LACTB2: variants seen among roughly 807,000 people sequenced by gnomAD.
LACTB2 encodes the protein endoribonuclease LACTB2.
LACTB2 carries 32 observed loss-of-function variants against 34.8 expected under a neutral mutation model. The observed-to-expected ratio is 0.92, with a 90% CI of 0.69 to 1.24. The LOEUF is 1.24. Among genes scored for constraint, LACTB2 ranks in the 50% most tolerant of loss-of-function variants. The pLI is 0.00. For synonymous variants in LACTB2, 120 were observed against 117.5 expected (o/e 1.02, Z -0.14); for missense variants, 320 against 345.0 (o/e 0.93, Z 0.57).
intron 5 of LACTB2, 134 bp from the exon 6 acceptor site, chr8:70,638,763 A>G: frequency 1.5e-6 from 1 of 669,696 alleles, no homozygotes; most frequent in Non-Finnish European, 2.1e-6. Flanking sequence ...TTTTTTTGAG[A>G]CAGAGTCTCA....
At chr8:70,639,166 T>A (rs997440410) in intron 5 of LACTB2, among the ~76,000 whole-genome samples, 11 of 152,108 alleles carry the variant, frequency 7.2e-5, no homozygotes, top group African/African-American at 2.4e-4. Flanking sequence ...AGTAGCAGTA[T>A]CTTTTTTTTT....
intron 3 of LACTB2, chr8:70,654,839 C>G (rs1033261497): frequency 2.0e-5 from 3 of 152,604 alleles, no homozygotes; most frequent in African/African-American, 7.2e-5. Flanking sequence ...CCTGCCTCAG[C>G]CTCTTGTGTG....
In LACTB2 at chr8:70,644,194, C is replaced by T; in HGVS notation, c.463G>A (p.Glu155Lys). ...HTDDHMALLL[E>K]EENAIFSGDC... is the part of the protein sequence containing the mutation. ...CCAGAAAAGATAGCATTTTCCTCTT[C>T]TAAGAGTAGAGCCATGTGATCATCA... The change falls in exon 4 of 7, where the codon GAA becomes AAA. Residue 155 changes from glutamate to lysine, a missense_variant. Physicochemically the swap from Glu to Lys is moderately conservative, Grantham distance 56. Coordinates refer to ENST00000276590, the MANE Select transcript of LACTB2 (RefSeq NM_016027.3). The T allele has an allele frequency of 6.2e-7, 1 of 1,612,798 alleles. No individual in the cohort carries two copies. Among genetic ancestry groups the T allele is most frequent in the Non-Finnish European group, 8.5e-7 (1 of 1,179,332 alleles).
intron 3 of LACTB2, among the ~76,000 whole-genome samples, chr8:70,657,341 C>T (rs1818422830): frequency 6.6e-6 from 1 of 152,052 alleles, no homozygotes; most frequent in South Asian, 2.1e-4. Flanking sequence ...ATTTTCTCCT[C>T]CCAGAGTAAG....
chr8:70,645,050 TTA>T (rs560448122), intron 3 of LACTB2, among the ~76,000 whole-genome samples: 2 of 151,366 alleles, frequency 1.3e-5, no homozygotes, highest in African/African-American at 2.4e-5. Context: ...TTACATCATT[TTA>T]TATATATATA....
intron 1 of LACTB2, chr8:70,662,392 G>T (rs1235261490): frequency 6.6e-6 from 1 of 152,172 alleles, no homozygotes; most frequent in Non-Finnish European, 1.5e-5. Context: ...AGATATGAAA[G>T]ATTTTGATTC....
At chr8:70,668,138 C>G (rs1427430562) in intron 1 of LACTB2, among the ~76,000 whole-genome samples, 1 of 152,128 alleles carries the variant, frequency 6.6e-6, no homozygotes, top group Non-Finnish European at 1.5e-5. Flanking sequence ...GTAGACACTT[C>G]CAAGGAAAAC....
intron 5 of LACTB2, among the ~76,000 whole-genome samples, chr8:70,639,366 G>C (rs1294343402): frequency 6.6e-6 from 1 of 150,838 alleles, no homozygotes; most frequent in Admixed American, 6.6e-5. Context: ...CACCATGTTG[G>C]CCAGACTGGT....
At chr8:70,668,748 GTTTTTTTTTTTT>G (rs990900411) in intron 1 of LACTB2, among the ~76,000 whole-genome samples, 1 of 103,722 alleles carries the variant, frequency 9.6e-6, no homozygotes, top group South Asian at 4.8e-4. Context: ...CAAAACAGAA[GTTTTTTTTTTTT>G]TTTTTTTTTT....
chr8:70,639,854 C>T (rs1037665795), intron 5 of LACTB2, among the ~76,000 whole-genome samples: 8 of 151,874 alleles, frequency 5.3e-5, no homozygotes, highest in Admixed American at 1.3e-4. Flanking sequence ...CCCAGCTACT[C>T]GGGAGGCTGA....
At chr8:70,650,114 C>G (rs1431352304) in intron 3 of LACTB2, among the ~76,000 whole-genome samples, 1 of 152,154 alleles carries the variant, frequency 6.6e-6, no homozygotes, top group East Asian at 1.9e-4. Flanking sequence ...TCCCAAAGAG[C>G]TGGGATTACA....
intron 4 of LACTB2, among the ~76,000 whole-genome samples, chr8:70,642,516 T>C (rs1219332894): frequency 6.6e-6 from 1 of 151,370 alleles, no homozygotes; most frequent in Non-Finnish European, 1.5e-5. Context: ...TTTTTTTTTT[T>C]TTTTTGAGAA....
chr8:70,649,835 A>G (rs1818315562), intron 3 of LACTB2, among the ~76,000 whole-genome samples: 1 of 152,220 alleles, frequency 6.6e-6, no homozygotes, highest in African/African-American at 2.4e-5. Context: ...CTGTACAACA[A>G]AACTGTACCA....
intron 5 of LACTB2, among the ~76,000 whole-genome samples, chr8:70,639,371 A>T (rs1381576454): frequency 2.7e-5 from 4 of 150,814 alleles, no homozygotes; most frequent in African/African-American, 9.7e-5. Flanking sequence ...TGTTGGCCAG[A>T]CTGGTCTCGA....
intron 2 of LACTB2, among the ~76,000 whole-genome samples, chr8:70,658,485 T>G (rs1818441434): frequency 6.6e-6 from 1 of 152,124 alleles, no homozygotes; most frequent in Non-Finnish European, 1.5e-5. Context: ...ATACAACCAC[T>G]GTGATATCAA....
At chr8:70,663,452 G>C (rs1586790935) in intron 1 of LACTB2, among the ~76,000 whole-genome samples, 1 of 152,196 alleles carries the variant, frequency 6.6e-6, no homozygotes, top group South Asian at 2.1e-4. Context: ...ATGTCCTTCA[G>C]AAACACAGTG....
intron 3 of LACTB2, among the ~76,000 whole-genome samples, chr8:70,648,839 G>A (rs1431182886): frequency 1.3e-5 from 2 of 152,148 alleles, no homozygotes; most frequent in Non-Finnish European, 2.9e-5. Flanking sequence ...TTTGCATGCT[G>A]AGGTAGGATC....
intron 3 of LACTB2, 46 bp from the exon 4 acceptor site, chr8:70,644,289 G>A (rs753862776): frequency 1.1e-5 from 15 of 1,309,864 alleles, no homozygotes; most frequent in Non-Finnish European, 1.5e-5. Context: ...ATGAACTCGA[G>A]CTTAGAAGAA....
intron 5 of LACTB2, among the ~76,000 whole-genome samples, chr8:70,638,921 G>C (rs553637534): frequency 1.3e-4 from 20 of 151,882 alleles, no homozygotes; most frequent in Admixed American, 1.2e-3. Flanking sequence ...TGTACTTTTA[G>C]TAGAGACGGG....
Sources: allele counts gnomAD v4.1 joint callset (sites outside exome capture counted in the v4.1 genomes callset), GRCh38; gene constraint gnomAD v4.1.1; transcripts MANE v1.5; gene names NCBI Gene and HGNC (gene_info 2026-07-23, HGNC 2026-07-21).